THSD7B: variants seen among roughly 807,000 people sequenced by gnomAD.
THSD7B encodes the protein thrombospondin type 1 domain containing 7B, also known as thrombospondin type-1 domain-containing protein 7B.
In THSD7B, 138 loss-of-function variants were observed where a neutral mutation model predicts 213.6. The observed-to-expected ratio is 0.65, with a 90% CI of 0.56 to 0.74. The LOEUF (loss-of-function observed/expected upper bound fraction) is 0.74. THSD7B is among the 30% of genes least tolerant of loss of function. The pLI is 0.00. For missense variants in THSD7B, 1,931 were observed against 1,991.5 expected, an observed-to-expected ratio of 0.97 and a Z score of 0.58; for synonymous variants, 742 against 687.0, an observed-to-expected ratio of 1.08 and a Z score of -1.25.
At position 137,664,486 on chromosome 2, in the gene THSD7B, A is replaced by G. The variant is rs113897769; in HGVS notation, c.4651+911A>G. ...ATGGATATTGCAGTATTAGGCCTGT[A>G]GGGCTCAGTAATCGACTCTTACTAA... is the stretch of plus-strand genomic sequence containing the variant. On this transcript the variant is annotated intron_variant, in intron 26 of 27. Coordinates refer to ENST00000409968, the MANE Select transcript of THSD7B (RefSeq NM_001316349.2). Among the ~76,000 whole-genome samples, 500 of 152,248 alleles carry G rather than the reference A, an allele frequency of 3.3e-3. 2 individuals are homozygous for G. The highest frequency in any genetic ancestry group is 5.8e-3 in the Non-Finnish European group (392 of 68,002).
At chr2:136,916,939 T>C (rs939036972) in intron 2 of THSD7B, among the ~76,000 whole-genome samples, 1 of 152,174 alleles carries the variant, frequency 6.6e-6, no homozygotes, top group Admixed American at 6.5e-5. Context: ...ATTTCTAAAA[T>C]ACACAATTAG....
intron 14 of THSD7B, among the ~76,000 whole-genome samples, chr2:137,436,318 T>C (rs1388614729): frequency 6.6e-6 from 1 of 152,204 alleles, no homozygotes; most frequent in Non-Finnish European, 1.5e-5. Context: ...CTTATATCAA[T>C]AGTATCAGTT....
Position 137,663,465 on chromosome 2 carries a change from G to A in THSD7B, c.4541G>A (p.Gly1514Asp). 6.3e-7 allele frequency: 1 copy of A among 1,598,522 alleles called. No homozygotes were observed. Residue 1514 changes from glycine to aspartate, a missense_variant, in exon 26 of 28, where the codon GGC becomes GAC. Physicochemically the swap from Gly to Asp is moderately conservative, Grantham distance 94. Coordinates refer to ENST00000409968, the MANE Select transcript of THSD7B (RefSeq NM_001316349.2). ...GFLDYCMKVP[G>D]SEDKKADVKN... is the part of the protein sequence containing the mutation. The stretch of plus-strand genomic sequence containing the variant: ...CTGGATTACTGCATGAAAGTACCAG[G>A]CTCAGAGGATAAAAAAGCTGATGTG...
At chr2:137,007,643 T>G (rs888356240) in intron 2 of THSD7B, among the ~76,000 whole-genome samples, 4 of 152,116 alleles carry the variant, frequency 2.6e-5, no homozygotes, top group Admixed American at 2.0e-4. Context: ...GTTGCAAAGG[T>G]ACAACACAAT....
At chr2:137,559,252 G>A (rs566290559) in intron 15 of THSD7B, among the ~76,000 whole-genome samples, 22 of 152,120 alleles carry the variant, frequency 1.4e-4, no homozygotes, top group African/African-American at 5.3e-4. Flanking sequence ...AGCCCGCATT[G>A]CCAAGTCAAT....
At chr2:136,964,211 T>C (rs1336582771) in intron 2 of THSD7B, among the ~76,000 whole-genome samples, 1 of 152,238 alleles carries the variant, frequency 6.6e-6, no homozygotes, top group Non-Finnish European at 1.5e-5. Flanking sequence ...GCAGACTCAA[T>C]TCTCCTTTCA....
At chr2:137,644,688 G>A (rs1390130116) in intron 21 of THSD7B, among the ~76,000 whole-genome samples, 1 of 152,096 alleles carries the variant, frequency 6.6e-6, no homozygotes, top group Non-Finnish European at 1.5e-5. Context: ...AAATGCACGT[G>A]GGCCTTTTTG....
At chr2:137,602,633 T>C (rs1030708597) in intron 17 of THSD7B, among the ~76,000 whole-genome samples, 4 of 152,194 alleles carry the variant, frequency 2.6e-5, no homozygotes, top group African/African-American at 7.2e-5. Context: ...GCAAGGGTCT[T>C]CTACGTGCAT....
At chr2:137,507,202 C>G (rs1558820810) in intron 15 of THSD7B, among the ~76,000 whole-genome samples, 1 of 152,322 alleles carries the variant, frequency 6.6e-6, no homozygotes, top group East Asian at 1.9e-4. Flanking sequence ...ATGGCTCTCA[C>G]TCCAGTGCCA....
intron 12 of THSD7B, among the ~76,000 whole-genome samples, chr2:137,311,918 T>C (rs1368119664): frequency 1.4e-5 from 2 of 141,826 alleles, no homozygotes; most frequent in Admixed American, 7.1e-5. Flanking sequence ...CAGTATTTTA[T>C]TGAGGATTTT....
chr2:136,925,208 T>A (rs561266479), intron 2 of THSD7B, among the ~76,000 whole-genome samples: 1 of 152,214 alleles, frequency 6.6e-6, no homozygotes, highest in East Asian at 1.9e-4. Flanking sequence ...TCCAGTAGTA[T>A]GTTGGATAGC....
intron 15 of THSD7B, among the ~76,000 whole-genome samples, chr2:137,464,800 C>T (rs1189737620): frequency 1.3e-5 from 2 of 151,922 alleles, no homozygotes; most frequent in African/African-American, 4.8e-5. Flanking sequence ...GTGGTCTATG[C>T]TATCCATGTT....
intron 15 of THSD7B, among the ~76,000 whole-genome samples, chr2:137,558,048 C>T (rs1429381815): frequency 1.4e-4 from 21 of 152,144 alleles, no homozygotes; most frequent in African/African-American, 4.8e-4. Context: ...CAATAACAGG[C>T]TCTGAAATTG....
intron 10 of THSD7B, among the ~76,000 whole-genome samples, chr2:137,252,280 A>AC (rs796934223): frequency 0.02 from 3,011 of 150,366 alleles, 111 homozygotes; most frequent in African/African-American, 0.07. Context: ...AAAAAAAAAA[A>AC]AAAAAAAAAA....
chr2:136,915,300 G>A (rs1273239982), intron 2 of THSD7B, among the ~76,000 whole-genome samples: 4 of 152,114 alleles, frequency 2.6e-5, no homozygotes, highest in Non-Finnish European at 5.9e-5. Context: ...AGAAATAATC[G>A]GAGTACTCAG....
At chr2:137,375,082 T>C (rs1006215052) in intron 12 of THSD7B, among the ~76,000 whole-genome samples, 4 of 152,160 alleles carry the variant, frequency 2.6e-5, no homozygotes, top group Non-Finnish European at 5.9e-5. Flanking sequence ...CCAATTAGCC[T>C]TGGTAATTTG....
chr2:136,770,626 C>T (rs915306667), intron 1 of THSD7B, among the ~76,000 whole-genome samples: 29 of 152,258 alleles, frequency 1.9e-4, no homozygotes, highest in African/African-American at 6.5e-4. Context: ...GGGACACACT[C>T]CAGTGATATT....
intron 2 of THSD7B, among the ~76,000 whole-genome samples, chr2:137,031,864 T>A (rs1686677679): frequency 6.8e-6 from 1 of 147,880 alleles, no homozygotes; most frequent in Non-Finnish European, 1.5e-5. Context: ...GGGTAGGGGA[T>A]AAGGTTTTGC....
intron 14 of THSD7B, among the ~76,000 whole-genome samples, chr2:137,420,309 T>C (rs1427286312): frequency 6.6e-6 from 1 of 152,154 alleles, no homozygotes; most frequent in Non-Finnish European, 1.5e-5. Flanking sequence ...CCTATCTACT[T>C]TCCTCCTGCT....
Sources: allele counts gnomAD v4.1 joint callset (sites outside exome capture counted in the v4.1 genomes callset), GRCh38; gene constraint gnomAD v4.1.1; transcripts MANE v1.5; gene names NCBI Gene and HGNC (gene_info 2026-07-23, HGNC 2026-07-21).